The following OPCML variants were observed in gnomAD, a reference collection of about 807,000 sequenced individuals.
The protein encoded by OPCML is opioid binding protein/cell adhesion molecule like.
In OPCML, 13 loss-of-function variants were observed where a neutral mutation model predicts 37.8. The observed-to-expected ratio is 0.34, with a 90% CI of 0.22 to 0.55. The LOEUF (loss-of-function observed/expected upper bound fraction) is 0.55. Ranked by LOEUF, OPCML falls within the 20% of genes least tolerant of loss-of-function variation. The pLI is 0.91. For missense variants in OPCML, 341 were observed against 435.6 expected, an observed-to-expected ratio of 0.78 and a Z score of 1.93; for synonymous variants, 176 against 168.8, an observed-to-expected ratio of 1.04 and a Z score of -0.33.
intron 2 of OPCML, among the ~76,000 whole-genome samples, chr11:132,903,787 C>A (rs1460850574): frequency 1.3e-5 from 2 of 152,148 alleles, no homozygotes; most frequent in African/African-American, 4.8e-5. Context: ...TCCTCACTAA[C>A]CTTTCCCCTC....
chr11:132,570,756 T>TATATA (rs2096435423), intron 3 of OPCML, among the ~76,000 whole-genome samples: 1 of 6,390 alleles, frequency 1.6e-4, no homozygotes, highest in Non-Finnish European at 2.8e-4. Flanking sequence ...GGAAAGAGAG[T>TATATA]ATATATATAT....
intron 1 of OPCML, among the ~76,000 whole-genome samples, chr11:133,234,459 G>A (rs999858835): frequency 2.6e-5 from 4 of 152,228 alleles, no homozygotes; most frequent in Non-Finnish European, 5.9e-5. Flanking sequence ...GGAAAGGGAA[G>A]CAGGTCATCC....
At chr11:132,699,180 C>A (rs1029981083) in intron 2 of OPCML, among the ~76,000 whole-genome samples, 2 of 151,940 alleles carry the variant, frequency 1.3e-5, no homozygotes, top group African/African-American at 4.8e-5. Flanking sequence ...TATGAAAATG[C>A]AACTGATATT....
intron 1 of OPCML, among the ~76,000 whole-genome samples, chr11:132,949,164 A>G (rs1945806609): frequency 6.6e-6 from 1 of 152,242 alleles, no homozygotes; most frequent in Admixed American, 6.5e-5. Context: ...CCTGGAGAAG[A>G]TAGAATGCCC....
intron 3 of OPCML, 117 bp downstream of exon 3, chr11:132,656,970 A>G (rs1784519): frequency 0.77 from 1,138,454 of 1,482,142 alleles, 439,289 homozygotes; most frequent in African/African-American, 0.94. Context: ...TCAAACTCTG[A>G]ATTCAGTAGA....
intron 1 of OPCML, among the ~76,000 whole-genome samples, chr11:133,179,357 T>A (rs1166384568): frequency 1.3e-5 from 2 of 152,084 alleles, no homozygotes; most frequent in Non-Finnish European, 2.9e-5. Context: ...TTTCAGGGGA[T>A]AGGCAGGTGC....
At chr11:132,892,017 C>T (rs987919903) in intron 2 of OPCML, among the ~76,000 whole-genome samples, 22 of 152,356 alleles carry the variant, frequency 1.4e-4, no homozygotes, top group African/African-American at 4.8e-4. Context: ...GCTCCACTCC[C>T]TCTGGCTCTT....
At chr11:132,973,679 C>CAAAG (rs778993723) in intron 1 of OPCML, among the ~76,000 whole-genome samples, 4 of 152,208 alleles carry the variant, frequency 2.6e-5, no homozygotes, top group Admixed American at 6.5e-5. Flanking sequence ...TCACCAAAGG[C>CAAAG]AAAGACCCTT....
chr11:132,944,241 G>T (rs1316512771), intron 1 of OPCML, among the ~76,000 whole-genome samples: 1 of 152,196 alleles, frequency 6.6e-6, no homozygotes, highest in Non-Finnish European at 1.5e-5. Context: ...GAGTTCTGGG[G>T]AAAGCAGCAA....
At chr11:133,314,968 A>G (rs1488995923) in intron 1 of OPCML, among the ~76,000 whole-genome samples, 2 of 139,076 alleles carry the variant, frequency 1.4e-5, no homozygotes, top group Admixed American at 7.2e-5. Flanking sequence ...CTTGAAAACC[A>G]CACCTCAGTG....
chr11:132,507,900 A>T lies in OPCML; in HGVS notation c.505+21161T>A, dbSNP rs117770565. Among the ~76,000 whole-genome samples, 915 of 152,204 alleles carry T rather than the reference A, an allele frequency of 6.0e-3. 5 individuals carry two copies. Among genetic ancestry groups the T allele is most frequent in the Middle Eastern group, 0.033 (9 of 272 alleles). On this transcript the variant is annotated intron_variant, in intron 4 of 7. Transcript: ENST00000524381. ...AAAAAATAAACATCATTTTAAAATCATACATATGGCTGAAAGGGAAAAAAT... is the reference window on the plus strand; with the variant it reads ...AAAAAATAAACATCATTTTAAAATCTTACATATGGCTGAAAGGGAAAAAAT...
intron 2 of OPCML, among the ~76,000 whole-genome samples, chr11:132,922,529 G>A (rs1944842535): frequency 6.6e-6 from 1 of 152,056 alleles, no homozygotes; most frequent in South Asian, 2.1e-4. Context: ...GAGGGCGGCA[G>A]AGTGGCTGCC....
At chr11:132,503,823 C>T (rs1382392392) in intron 4 of OPCML, among the ~76,000 whole-genome samples, 1 of 151,942 alleles carries the variant, frequency 6.6e-6, no homozygotes, top group Non-Finnish European at 1.5e-5. Flanking sequence ...GAAGAAAAAT[C>T]ATCTTTATTT....
chr11:133,210,258 T>C (rs1231877238), intron 1 of OPCML, among the ~76,000 whole-genome samples: 2 of 152,184 alleles, frequency 1.3e-5, no homozygotes, highest in Admixed American at 1.3e-4. Context: ...GTTGTGTTTA[T>C]TTTTTTAGAG....
chr11:133,431,900 C>A (rs888674366), intron 1 of OPCML, among the ~76,000 whole-genome samples: 2 of 151,272 alleles, frequency 1.3e-5, no homozygotes, highest in Non-Finnish European at 2.9e-5. Context: ...TTTCATTTGA[C>A]ATATACAGGT....
chr11:132,803,309 A>G (rs1377553727), intron 2 of OPCML, among the ~76,000 whole-genome samples: 1 of 152,210 alleles, frequency 6.6e-6, no homozygotes, highest in Non-Finnish European at 1.5e-5. Context: ...GATAGATCAA[A>G]TGGCCATTCT....
At chr11:133,312,178 T>C (rs1273701825) in intron 1 of OPCML, among the ~76,000 whole-genome samples, 1 of 152,212 alleles carries the variant, frequency 6.6e-6, no homozygotes, top group Non-Finnish European at 1.5e-5. Flanking sequence ...TTCATTTATA[T>C]CCGAATTCTC....
chr11:132,759,783 G>A (rs145984353), intron 2 of OPCML, among the ~76,000 whole-genome samples: 1,613 of 151,904 alleles, frequency 0.011, 12 homozygotes, highest in Middle Eastern at 0.031. Context: ...AGGGTTTTTC[G>A]TGTCTCTATT....
At chr11:133,143,704 G>A (rs1949857950) in intron 1 of OPCML, among the ~76,000 whole-genome samples, 1 of 152,118 alleles carries the variant, frequency 6.6e-6, no homozygotes, top group Admixed American at 6.5e-5. Flanking sequence ...TTCCTTGTCG[G>A]GTAAATGAGG....
Sources: gnomAD v4.1 joint callset for allele counts (sites outside exome capture counted in the v4.1 genomes callset) on GRCh38, gnomAD v4.1.1 for gene constraint, MANE v1.5 for transcripts, NCBI Gene and HGNC (gene_info 2026-07-23, HGNC 2026-07-21) for gene names.